Variants in LRRK1 observed in about 807,000 individuals in gnomAD.
LRRK1 encodes leucine-rich repeat serine/threonine-protein kinase 1.
LRRK1 carries 113 observed loss-of-function variants against 209.1 expected under a neutral mutation model. The ratio of observed to expected loss-of-function variants is 0.54; its 90% CI spans 0.46 to 0.63. The LOEUF is 0.63. LRRK1 is among the 30% of genes least tolerant of loss of function. The probability of loss-of-function intolerance (pLI) is 0.00; values close to 1 mark genes in which losing one functional copy is unlikely to be tolerated. For missense variants in LRRK1, 2,284 were observed against 2,632.2 expected, an observed-to-expected ratio of 0.87 and a Z score of 2.89; for synonymous variants, 1,144 against 1,099.7, an observed-to-expected ratio of 1.04 and a Z score of -0.80.
chr15:100,924,764 G>A, intron 2 of LRRK1, 35 bp downstream of exon 2: 1 of 1,530,504 alleles, frequency 6.5e-7, no homozygotes, highest in Non-Finnish European at 9.1e-7. Flanking sequence ...CTGCCTGGGT[G>A]TGACCTGCCA....
intron 1 of LRRK1, 31 bp from the exon 2 acceptor site, chr15:100,924,480 G>C (rs1011420487): frequency 9.6e-6 from 6 of 623,982 alleles, no homozygotes; most frequent in East Asian, 2.8e-5. Flanking sequence ...AATTATAAAG[G>C]CTTTCTGTTT....
chr15:100,931,758 C>G (rs1431257725), intron 2 of LRRK1, among the ~76,000 whole-genome samples: 2 of 152,166 alleles, frequency 1.3e-5, no homozygotes, highest in Non-Finnish European at 2.9e-5. Flanking sequence ...TCACCAGCAC[C>G]CACGGGTTCA....
intron 2 of LRRK1, among the ~76,000 whole-genome samples, chr15:100,969,416 A>G (rs1228512780): frequency 6.6e-6 from 1 of 152,108 alleles, no homozygotes; most frequent in South Asian, 2.1e-4. Context: ...AATCTCCGCT[A>G]TGTTTTCCTA....
chr15:100,973,879 T>G lies in LRRK1; in HGVS notation c.173T>G (p.Ile58Ser). ...GCGCGGTCCCGCAGGACGGAAGGCATCCGCGCCGCGTACAGGCGGGGAGAC... is the reference window on the plus strand; with the variant it reads ...GCGCGGTCCCGCAGGACGGAAGGCAGCCGCGCCGCGTACAGGCGGGGAGAC... ...PAARSRRTEG[I>S]RAAYRRGDRG... The change falls in exon 3 of 34, where the codon ATC becomes AGC. Residue 58 changes from isoleucine to serine, a missense_variant. This residue lies in a region of LRRK1 where 174 missense variants were observed against 133.5 expected (regional missense o/e 1.30). Coordinates refer to ENST00000388948, the MANE Select transcript of LRRK1 (RefSeq NM_024652.6). The G allele has an allele frequency of 2.3e-6, 3 of 1,280,406 alleles. No individual in the cohort carries two copies. Among genetic ancestry groups the G allele is most frequent in the Non-Finnish European group, 3.0e-6 (3 of 1,008,550 alleles). The allele number at this position is 1,280,406 out of a possible 1,614,324, so 79.3% of individuals were successfully genotyped here.
chr15:100,942,936 G>A (rs934499120), intron 2 of LRRK1, among the ~76,000 whole-genome samples: 6 of 152,142 alleles, frequency 3.9e-5, no homozygotes, highest in East Asian at 1.9e-4. Flanking sequence ...TTCTCCATCC[G>A]CCAGTGCTTA....
At chr15:100,991,714 T>A (rs2032163660) in intron 6 of LRRK1, among the ~76,000 whole-genome samples, 1 of 152,168 alleles carries the variant, frequency 6.6e-6, no homozygotes, top group South Asian at 2.1e-4. Flanking sequence ...TATTATTCCA[T>A]GTCTTATTGT....
At chr15:100,989,196 C>G (rs546386243) in intron 5 of LRRK1, 54 bp from the exon 6 acceptor site, 3 of 1,516,224 alleles carry the variant, frequency 2.0e-6, no homozygotes, top group East Asian at 2.3e-5. Flanking sequence ...GCCCTTCCAA[C>G]GACTGTGACA....
intron 2 of LRRK1, among the ~76,000 whole-genome samples, chr15:100,972,361 A>AGT (rs1282794235): frequency 7.5e-4 from 63 of 84,026 alleles, no homozygotes; most frequent in African/African-American, 3.3e-3. Context: ...AGAGAGAGAG[A>AGT]GAGTGTGTGT....
chr15:100,950,842 G>C (rs149024104), intron 2 of LRRK1, among the ~76,000 whole-genome samples: 1 of 152,046 alleles, frequency 6.6e-6, no homozygotes, highest in East Asian at 1.9e-4. Flanking sequence ...GGTGGCTCGC[G>C]CCTGTCATCC....
intron 2 of LRRK1, among the ~76,000 whole-genome samples, chr15:100,925,848 T>A (rs149290015): frequency 2.0e-5 from 3 of 152,204 alleles, no homozygotes; most frequent in Non-Finnish European, 4.4e-5. Context: ...AATCACAGAA[T>A]TGCCATCTGA....
rs1048327 is a variant in LRRK1, at chr15:101,069,532, G to A, written c.*684G>A. 0.1 allele frequency: 15,665 copies of A among 152,640 alleles called. 1,028 individuals carry two copies. Among genetic ancestry groups the A allele is most frequent in the Non-Finnish European group, 0.15 (9,901 of 68,056 alleles). The allele number at this position is 152,640 out of a possible 1,614,324, so 9.5% of individuals were successfully genotyped here. ...AGAGGCACACAGTCCGAGTGCACCC[G>A]CTTAGCCTTTACATTCCTCTCCACC... On this transcript the variant is annotated 3_prime_UTR_variant, in exon 34 of 34. Coordinates refer to ENST00000388948, the MANE Select transcript of LRRK1 (RefSeq NM_024652.6).
At position 101,027,492 on chromosome 15, in the gene LRRK1, G is replaced by A; in HGVS notation, c.2526+111G>A. ...CCATGTCTGTGTGGCAAGGCTCGGT[G>A]GTTCCTGGTGAGGGAGGGTCAGGAT... On this transcript the variant is annotated intron_variant, in intron 18 of 33. Coordinates refer to ENST00000388948, the MANE Select transcript of LRRK1 (RefSeq NM_024652.6). The surrounding 1 kb of genome is among the most constrained non-coding windows in gnomAD (Gnocchi z 5.1). The A allele has an allele frequency of 1.3e-6, 2 of 1,518,472 alleles. No homozygotes were observed. The highest frequency in any genetic ancestry group is 1.8e-6 in the Non-Finnish European group (2 of 1,126,814). 94.1% of individuals were successfully genotyped at this position (1,518,472 alleles called of 1,614,324 possible).
chr15:100,997,665 G>A (rs1334649950), intron 6 of LRRK1, among the ~76,000 whole-genome samples: 3 of 152,158 alleles, frequency 2.0e-5, no homozygotes, highest in South Asian at 2.1e-4. Flanking sequence ...GACACACCAG[G>A]GTCTTGCTGC....
At chr15:100,996,397 C>T (rs545382152) in intron 6 of LRRK1, among the ~76,000 whole-genome samples, 1 of 152,364 alleles carries the variant, frequency 6.6e-6, no homozygotes, top group South Asian at 2.1e-4. Flanking sequence ...CTTGGCCTGG[C>T]CTGTTCCACA....
At position 101,072,031 on chromosome 15, in the gene LRRK1, G is replaced by C. The variant is rs1272541094; in HGVS notation, c.*3183G>C. On this transcript the variant is annotated 3_prime_UTR_variant, in exon 34 of 34. Transcript: ENST00000388948. ...AGGAGGGGACTGTGCACACAGAATTGCAAGTGGGGGTCTCCGCGGAAGCTC... is the reference window on the plus strand; with the variant it reads ...AGGAGGGGACTGTGCACACAGAATTCCAAGTGGGGGTCTCCGCGGAAGCTC... 6.6e-6 allele frequency: 1 copy of C among 152,230 alleles called. No homozygotes were observed. Among genetic ancestry groups the C allele is most frequent in the Non-Finnish European group, 1.5e-5 (1 of 68,058 alleles). The allele number at this position is 152,230 out of a possible 1,614,324, so 9.4% of individuals were successfully genotyped here.
intron 3 of LRRK1, among the ~76,000 whole-genome samples, chr15:100,983,122 C>A (rs556804825): frequency 6.6e-6 from 1 of 152,248 alleles, no homozygotes; most frequent in Admixed American, 6.5e-5. Flanking sequence ...CTGCAGTGAG[C>A]TGAGATTGCA....
intron 31 of LRRK1, among the ~76,000 whole-genome samples, 157 bp downstream of exon 31, chr15:101,062,847 C>G (rs1007455539): frequency 6.6e-6 from 1 of 152,214 alleles, no homozygotes; most frequent in Non-Finnish European, 1.5e-5. Flanking sequence ...AGATATCAGA[C>G]CTGGTCCGTC....
At chr15:100,962,823 A>ATATATTTTT in intron 2 of LRRK1, among the ~76,000 whole-genome samples, 7 of 11,548 alleles carry the variant, frequency 6.1e-4, no homozygotes, top group African/African-American at 1.8e-3. Flanking sequence ...ATATATATAT[A>ATATATTTTT]TTTTTTTTTT....
chr15:101,012,263 G>A, intron 10 of LRRK1, 118 bp downstream of exon 10: 4 of 992,788 alleles, frequency 4.0e-6, no homozygotes, highest in Non-Finnish European at 4.5e-6. Context: ...GGGAAAAGAT[G>A]AAGAAAAAGT....
Sources: allele counts gnomAD v4.1 joint callset (sites outside exome capture counted in the v4.1 genomes callset), GRCh38; gene constraint gnomAD v4.1.1; regional missense constraint gnomAD v4.1.1; non-coding constraint Gnocchi (gnomAD v3.1); transcripts MANE v1.5; gene names NCBI Gene and HGNC (gene_info 2026-07-23, HGNC 2026-07-21).